SLC26A5: variants seen among roughly 807,000 people sequenced by gnomAD.
SLC26A5 encodes prestin.
Under a neutral mutation model 81.0 loss-of-function variants are expected in SLC26A5, and 51 were observed. That is an observed-to-expected ratio of 0.63 (90% confidence interval 0.50 to 0.80). The LOEUF (loss-of-function observed/expected upper bound fraction) is 0.80, where lower values mean the gene tolerates loss of function less well. SLC26A5 is among the 30% of genes least tolerant of loss of function. The pLI is 0.00. For synonymous variants in SLC26A5, 325 were observed against 332.8 expected (o/e 0.98, Z 0.25); for missense variants, 771 against 905.8 (o/e 0.85, Z 1.91).
At chr7:103,404,449 G>A (rs1823865574) in intron 8 of SLC26A5, among the ~76,000 whole-genome samples, 1 of 152,120 alleles carries the variant, frequency 6.6e-6, no homozygotes, top group African/African-American at 2.4e-5. Flanking sequence ...ATGAAGCTTA[G>A]TTTGGCTGGA....
chr7:103,386,462 G>A (rs1822204825), intron 14 of SLC26A5, among the ~76,000 whole-genome samples: 1 of 151,850 alleles, frequency 6.6e-6, no homozygotes, highest in African/African-American at 2.4e-5. Context: ...AGCTACTCAG[G>A]AGGCTGAGGC....
rs1174851601 is a variant in SLC26A5, at chr7:103,390,432, G to C, written c.1308C>G (p.Pro436=). 1 of 1,613,564 alleles carries C rather than the reference G, an allele frequency of 6.2e-7. No individual in the cohort carries two copies. The highest frequency in any genetic ancestry group is 8.5e-7 in the Non-Finnish European group (1 of 1,179,730). The change falls in exon 12 of 20, where the codon CCC becomes CCG. Residue 436 remains proline (P), a synonymous_variant. Coordinates refer to ENST00000306312, the MANE Select transcript of SLC26A5 (RefSeq NM_198999.3). ...LATGFLFESL[P]QAVLSAIVIV... is the part of the protein sequence containing the mutation. ...CCCAAGTCCACATTACACACACCTGGGGCAATGATTCAAAGAGGAATCCAG... is the reference window on the plus strand; with the variant it reads ...CCCAAGTCCACATTACACACACCTGCGGCAATGATTCAAAGAGGAATCCAG...
rs578124492 is a variant in SLC26A5, at chr7:103,444,394, G to C, written c.-182-1183C>G. Among the ~76,000 whole-genome samples the C allele has an allele frequency of 4.8e-4, 73 of 152,266 alleles. 1 individual carries two copies. The South Asian group carries it at 0.015, about 31-fold the overall frequency. ...TACTAAAATGCAGACTACCTGCAACGGTAGAAAAATTAAGATACCAGGGGG... is the reference window on the plus strand; with the variant it reads ...TACTAAAATGCAGACTACCTGCAACCGTAGAAAAATTAAGATACCAGGGGG... On this transcript the variant is annotated intron_variant, in intron 1 of 19. Coordinates refer to ENST00000306312, the MANE Select transcript of SLC26A5 (RefSeq NM_198999.3).
chr7:103,436,914 C>T (rs897160565), intron 2 of SLC26A5, among the ~76,000 whole-genome samples: 4 of 152,136 alleles, frequency 2.6e-5, no homozygotes, highest in African/African-American at 9.7e-5. Context: ...TCCAAAGTCA[C>T]AGACAACAAA....
intron 19 of SLC26A5, among the ~76,000 whole-genome samples, chr7:103,359,138 CTTTTTTTTTT>C (rs35936603): frequency 1.1e-3 from 36 of 31,338 alleles, no homozygotes; most frequent in South Asian, 3.7e-3. Flanking sequence ...CCATGTCTGG[CTTTTTTTTTT>C]TTTTTTTTTT....
chr7:103,419,535 A>G (rs1586347089), intron 4 of SLC26A5, among the ~76,000 whole-genome samples: 1 of 148,340 alleles, frequency 6.7e-6, no homozygotes, highest in Non-Finnish European at 1.5e-5. Flanking sequence ...CATTTCCTGG[A>G]TCCACTATTT....
rs374051149 is a variant in SLC26A5 at position 103,436,034 on chromosome 7, G to C, written c.-54+7049C>G. 1.2e-4 allele frequency among the ~76,000 whole-genome samples: 18 copies of C among 152,164 alleles called. No homozygotes were observed. The East Asian group carries it at 2.3e-3, about 20-fold the overall frequency. On this transcript the variant is annotated intron_variant, in intron 2 of 19. Transcript: ENST00000306312. ...TATATAGGTGTATGGAGAAAGTTTT[G>C]AAAGTATTTACCATAACATGGTAAA...
chr7:103,374,520 C>T lies in SLC26A5; in HGVS notation c.2114G>A (p.Ser705Asn). ...GCTGCCTAAAACTGCATCATGAATGCTGTGGAACAGCAGCTCCCATAGGGC... is the reference window on the plus strand; with the variant it reads ...GCTGCCTAAAACTGCATCATGAATGTTGTGGAACAGCAGCTCCCATAGGGC... ...NPALWELLFH[S>N]IHDAVLGSQL... is the part of the protein sequence containing the mutation. The change falls in exon 20 of 20, where the codon AGC (serine) becomes AAC (asparagine). Residue 705 changes from serine to asparagine, a missense_variant. Transcript: ENST00000306312. The T allele has an allele frequency of 6.2e-7, 1 of 1,614,028 alleles. No homozygotes were observed. Among genetic ancestry groups the T allele is most frequent in the Non-Finnish European group, 8.5e-7 (1 of 1,180,012 alleles).
At chr7:103,378,679 C>T (rs888049598) in intron 16 of SLC26A5, 126 bp from the exon 17 acceptor site, 2 of 815,924 alleles carry the variant, frequency 2.5e-6, no homozygotes, top group South Asian at 1.4e-5. Context: ...AACCCTTGCA[C>T]TGCCTTTCCC....
At chr7:103,381,573 CAT>C (rs1183976078) in intron 14 of SLC26A5, among the ~76,000 whole-genome samples, 6 of 150,834 alleles carry the variant, frequency 4.0e-5, no homozygotes, top group South Asian at 2.1e-4. Flanking sequence ...CCCCTACATA[CAT>C]ATACACACAC....
intron 4 of SLC26A5, 108 bp downstream of exon 4, chr7:103,420,630 T>C (rs1825274084): frequency 1.7e-5 from 24 of 1,421,506 alleles, no homozygotes; most frequent in Non-Finnish European, 2.3e-5. Flanking sequence ...TAAAGGTTAC[T>C]AGAAAGATAT....
chr7:103,369,658 A>C (rs1286030572), downstream of SLC26A5, among the ~76,000 whole-genome samples: 1 of 152,262 alleles, frequency 6.6e-6, no homozygotes, highest in African/African-American at 2.4e-5. Context: ...CAAAGAGATG[A>C]AACAGACATT....
intron 19 of SLC26A5, chr7:103,362,840 C>A: frequency 1.8e-6 from 2 of 1,096,104 alleles, no homozygotes; most frequent in Non-Finnish European, 2.7e-6. Context: ...CTTGTCCAGG[C>A]TGGAGTAGAA....
intron 3 of SLC26A5, 115 bp from the exon 4 acceptor site, chr7:103,420,992 A>G (rs1004170472): frequency 1.4e-5 from 17 of 1,178,234 alleles, no homozygotes; most frequent in Non-Finnish European, 2.0e-5. Context: ...AAAATTTCCA[A>G]TTGGTGATTC....
chr7:103,418,149 C>G (rs1825069596), intron 4 of SLC26A5, among the ~76,000 whole-genome samples: 1 of 152,184 alleles, frequency 6.6e-6, no homozygotes, highest in Admixed American at 6.5e-5. Context: ...CCCACACATC[C>G]AACCCATCAG....
At chr7:103,416,426 C>T (rs1194905168) in intron 4 of SLC26A5, among the ~76,000 whole-genome samples, 1 of 152,212 alleles carries the variant, frequency 6.6e-6, no homozygotes, top group Admixed American at 6.5e-5. Flanking sequence ...AGGGAACAGC[C>T]TTTGCTGGCT....
chr7:103,399,956 T>C (rs977276361), intron 8 of SLC26A5, among the ~76,000 whole-genome samples: 1 of 152,170 alleles, frequency 6.6e-6, no homozygotes, highest in Non-Finnish European at 1.5e-5. Flanking sequence ...ACATTTTCTT[T>C]ATCCAGTCTA....
intron 14 of SLC26A5, among the ~76,000 whole-genome samples, chr7:103,382,435 C>T (rs757404888): frequency 4.7e-5 from 7 of 149,648 alleles, no homozygotes; most frequent in Non-Finnish European, 1.0e-4. Context: ...TTGCAACCTC[C>T]GCCTCCCGGG....
chr7:103,398,281 T>A (rs561666614), intron 8 of SLC26A5, among the ~76,000 whole-genome samples: 2 of 152,204 alleles, frequency 1.3e-5, no homozygotes, highest in Non-Finnish European at 2.9e-5. Flanking sequence ...GCTAGTTGAC[T>A]GCTACAGAAA....
Sources: gnomAD v4.1 joint callset for allele counts (sites outside exome capture counted in the v4.1 genomes callset) on GRCh38, gnomAD v4.1.1 for gene constraint, MANE v1.5 for transcripts, NCBI Gene and HGNC (gene_info 2026-07-23, HGNC 2026-07-21) for gene names.